LGSN: variants seen among roughly 807,000 people sequenced by gnomAD.
LGSN encodes the protein lengsin, lens protein with glutamine synthetase domain, also known as lengsin.
A neutral mutation model predicts 19.5 loss-of-function variants in LGSN; 21 were observed. The ratio of observed to expected loss-of-function variants is 1.07; its 90% CI spans 0.76 to 1.55. The LOEUF (loss-of-function observed/expected upper bound fraction) is 1.55. LGSN is among the 40% of genes most tolerant of loss of function. The pLI, the probability that LGSN is intolerant of heterozygous loss-of-function variation, is 0.00. For missense variants in LGSN, 673 were observed against 608.5 expected (o/e 1.11, Z -1.12); for synonymous variants, 257 against 215.6 (o/e 1.19, Z -1.68).
chr6:63,357,990 A>G, the LGSN span, among the ~76,000 whole-genome samples: 1 of 152,044 alleles, frequency 6.6e-6, no homozygotes, highest in Admixed American at 6.5e-5. Context: ...TCTTTAATCC[A>G]TCTTGAATTA....
chr6:63,499,033 T>C, the LGSN span, among the ~76,000 whole-genome samples: 1 of 152,118 alleles, frequency 6.6e-6, no homozygotes, highest in African/African-American at 2.4e-5. Flanking sequence ...CTACATTCTT[T>C]AGGAATTTAG....
chr6:63,356,473 C>A, the LGSN span, among the ~76,000 whole-genome samples: 5 of 152,188 alleles, frequency 3.3e-5, no homozygotes, highest in African/African-American at 1.2e-4. Flanking sequence ...ACCTGAGAGG[C>A]AGAGGTTGCA....
chr6:63,522,283 T>C, the LGSN span, among the ~76,000 whole-genome samples: 6 of 152,248 alleles, frequency 3.9e-5, no homozygotes, highest in Admixed American at 2.0e-4. Flanking sequence ...TTTAGATGAA[T>C]TATTTGTATA....
chr6:63,410,290 A>G, the LGSN span, among the ~76,000 whole-genome samples: 2 of 152,148 alleles, frequency 1.3e-5, no homozygotes, highest in Admixed American at 6.5e-5. Flanking sequence ...TAAACTCAGT[A>G]AAGTGTACAT....
chr6:63,514,503 G>C, the LGSN span, among the ~76,000 whole-genome samples: 4 of 152,228 alleles, frequency 2.6e-5, no homozygotes, highest in African/African-American at 4.8e-5. Context: ...CTGGAATTAC[G>C]GGCATGAGCC....
At chr6:63,376,255 A>G in the LGSN span, among the ~76,000 whole-genome samples, 1 of 152,180 alleles carries the variant, frequency 6.6e-6, no homozygotes, top group African/African-American at 2.4e-5. Context: ...ACTTAACCCA[A>G]AAGCTTATTA....
chr6:63,542,022 G>GGGGT, the LGSN span, among the ~76,000 whole-genome samples: 28 of 146,844 alleles, frequency 1.9e-4, no homozygotes, highest in South Asian at 1.3e-3. Context: ...AAGAAACTGT[G>GGGGT]GTGTGTGTGT....
At chr6:63,387,137 A>G in the LGSN span, among the ~76,000 whole-genome samples, 3 of 152,036 alleles carry the variant, frequency 2.0e-5, no homozygotes, top group East Asian at 5.8e-4. Context: ...AATAAGGAAA[A>G]CGAGCAAAGG....
At chr6:63,336,441 T>C in the LGSN span, among the ~76,000 whole-genome samples, 1 of 151,872 alleles carries the variant, frequency 6.6e-6, no homozygotes, top group South Asian at 2.1e-4. Context: ...TCAGATGGTA[T>C]TACTAGTTTC....
chr6:63,491,475 G>A, the LGSN span, among the ~76,000 whole-genome samples: 1 of 152,130 alleles, frequency 6.6e-6, no homozygotes, highest in Non-Finnish European at 1.5e-5. Flanking sequence ...AAATCCTTGA[G>A]AATCCTCCCA....
At chr6:63,445,126 C>T in the LGSN span, among the ~76,000 whole-genome samples, 1 of 152,136 alleles carries the variant, frequency 6.6e-6, no homozygotes, top group Non-Finnish European at 1.5e-5. Context: ...GCCTGACCAA[C>T]GTGGTGAAAC....
chr6:63,426,384 A>G, the LGSN span, among the ~76,000 whole-genome samples: 1 of 152,212 alleles, frequency 6.6e-6, no homozygotes, highest in Non-Finnish European at 1.5e-5. Context: ...GAACTATGCA[A>G]CCCTCAACTA....
chr6:63,425,040 A>G, the LGSN span, among the ~76,000 whole-genome samples: 2 of 152,238 alleles, frequency 1.3e-5, no homozygotes, highest in Non-Finnish European at 2.9e-5. Flanking sequence ...CATGATTACC[A>G]ATCAGGGAAT....
chr6:63,470,405 C>T, the LGSN span, among the ~76,000 whole-genome samples: 1 of 150,778 alleles, frequency 6.6e-6, no homozygotes, highest in African/African-American at 2.4e-5. Context: ...ACCCAGGCGG[C>T]GGAGGTTGCA....
the LGSN span, among the ~76,000 whole-genome samples, chr6:63,358,206 A>C: frequency 6.6e-6 from 1 of 152,238 alleles, no homozygotes; most frequent in African/African-American, 2.4e-5. Flanking sequence ...ATGTTTTGCT[A>C]CCAGTACCAT....
chr6:63,572,312 T>G, the LGSN span: 3 of 211,128 alleles, frequency 1.4e-5, no homozygotes, highest in East Asian at 1.0e-4. Flanking sequence ...CGCTTAGCCA[T>G]TCATCAACCG....
chr6:63,538,938 G>C, the LGSN span, among the ~76,000 whole-genome samples: 3 of 152,218 alleles, frequency 2.0e-5, no homozygotes, highest in Non-Finnish European at 2.9e-5. Flanking sequence ...TGTCACCCAG[G>C]CTGCAGTGCA....
At chr6:63,551,002 C>T in the LGSN span, among the ~76,000 whole-genome samples, 1 of 151,938 alleles carries the variant, frequency 6.6e-6, no homozygotes, top group Non-Finnish European at 1.5e-5. Context: ...TTACCTGGAC[C>T]TCTTAGAAAA....
At chr6:63,282,965 T>C (rs1472029653) in intron 3 of LGSN, among the ~76,000 whole-genome samples, 1 of 152,218 alleles carries the variant, frequency 6.6e-6, no homozygotes, top group African/African-American at 2.4e-5. Flanking sequence ...AGAAATAATA[T>C]ATTTTATTCA....
Sources: allele counts gnomAD v4.1 joint callset (sites outside exome capture counted in the v4.1 genomes callset), GRCh38; gene constraint gnomAD v4.1.1; transcripts MANE v1.5; gene names NCBI Gene and HGNC (gene_info 2026-07-23, HGNC 2026-07-21).